The following ENAH variants were observed in gnomAD, a reference collection of about 807,000 sequenced individuals.
The protein encoded by ENAH is ENAH actin regulator.
In ENAH, 23 loss-of-function variants were observed where a neutral mutation model predicts 78.7. That is an observed-to-expected ratio of 0.29 (90% CI 0.21 to 0.41). ENAH has a LOEUF of 0.41. ENAH is among the 10% of genes least tolerant of loss of function. The probability of loss-of-function intolerance (pLI) is 1.00; values close to 1 mark genes in which losing one functional copy is unlikely to be tolerated. For synonymous variants in ENAH, 226 were observed against 241.0 expected, an observed-to-expected ratio of 0.94 and a Z score of 0.58; for missense variants, 544 against 691.0, an observed-to-expected ratio of 0.79 and a Z score of 2.39.
intron 1 of ENAH, among the ~76,000 whole-genome samples, chr1:225,572,254 T>C (rs908288856): frequency 1.1e-4 from 16 of 152,138 alleles, no homozygotes; most frequent in African/African-American, 3.9e-4. Context: ...ACAGGTGTGA[T>C]GCACAAAATA....
Position 225,615,623 on chromosome 1 carries a change from G to C in ENAH, c.5+37063C>G, listed in dbSNP as rs184413726. Among the ~76,000 whole-genome samples, 306 of 144,504 alleles carry C rather than the reference G, an allele frequency of 2.1e-3. 1 individual carries two copies. The highest frequency in any genetic ancestry group is 7.7e-3 in the African/African-American group (296 of 38,294). 94.8% of individuals were successfully genotyped at this position (144,504 alleles called of 152,430 possible). ...GAGCGTCTCTGCCCGGCCGCCCGGCGTCTGAGATGTGGGGAGCGCCTCTGC... is the reference window on the plus strand; with the variant it reads ...GAGCGTCTCTGCCCGGCCGCCCGGCCTCTGAGATGTGGGGAGCGCCTCTGC... On this transcript the variant is annotated intron_variant, in intron 1 of 13. Transcript: ENST00000366843.
At chr1:225,647,994 G>A (rs1184671890) in intron 1 of ENAH, among the ~76,000 whole-genome samples, 1 of 152,022 alleles carries the variant, frequency 6.6e-6, no homozygotes, top group Non-Finnish European at 1.5e-5. Flanking sequence ...GAACACACAG[G>A]AATAGTGGGG....
At chr1:225,510,965 G>A (rs959444007) in intron 10 of ENAH, among the ~76,000 whole-genome samples, 1 of 151,890 alleles carries the variant, frequency 6.6e-6, no homozygotes, top group Non-Finnish European at 1.5e-5. Flanking sequence ...GGGTTGCGGT[G>A]AGCCAAGACT....
intron 2 of ENAH, among the ~76,000 whole-genome samples, chr1:225,564,587 G>A (rs570812372): frequency 2.8e-4 from 43 of 151,132 alleles, no homozygotes; most frequent in African/African-American, 8.7e-4. Context: ...GCACCACCAC[G>A]CCTGGCCTGT....
At chr1:225,525,061 G>A (rs958184026) in intron 4 of ENAH, among the ~76,000 whole-genome samples, 8 of 151,944 alleles carry the variant, frequency 5.3e-5, no homozygotes, top group Admixed American at 2.6e-4. Flanking sequence ...TCTTACTAAC[G>A]CTCACCACTT....
intron 1 of ENAH, among the ~76,000 whole-genome samples, chr1:225,600,695 AAAAAAATT>A (rs1460891850): frequency 2.6e-5 from 4 of 151,980 alleles, no homozygotes; most frequent in Non-Finnish European, 5.9e-5. Flanking sequence ...CTATTTCTAC[AAAAAAATT>A]AAAAAATTAG....
At chr1:225,579,344 T>G (rs2096803170) in intron 1 of ENAH, among the ~76,000 whole-genome samples, 1 of 152,258 alleles carries the variant, frequency 6.6e-6, no homozygotes, top group Admixed American at 6.5e-5. Flanking sequence ...TTGCTGAAAT[T>G]TATGTTCTTT....
intron 1 of ENAH, among the ~76,000 whole-genome samples, chr1:225,618,841 T>C (rs558538371): frequency 3.9e-5 from 6 of 152,252 alleles, no homozygotes; most frequent in South Asian, 4.1e-4. Context: ...CTAAATTACA[T>C]TGCGTTACAT....
intron 1 of ENAH, among the ~76,000 whole-genome samples, chr1:225,620,228 G>A (rs1253035983): frequency 2.0e-5 from 3 of 151,798 alleles, no homozygotes; most frequent in Non-Finnish European, 2.9e-5. Flanking sequence ...TCAACACTTC[G>A]TCACTAGAAA....
At chr1:225,591,759 C>T (rs192579282) in intron 1 of ENAH, among the ~76,000 whole-genome samples, 30 of 113,604 alleles carry the variant, frequency 2.6e-4, no homozygotes, top group East Asian at 1.5e-3. Flanking sequence ...AGACAGACTC[C>T]GTCTCAAAAA....
chr1:225,577,533 T>C (rs6674621), intron 1 of ENAH, among the ~76,000 whole-genome samples: 11,902 of 152,324 alleles, frequency 0.078, 583 homozygotes, highest in Admixed American at 0.14. Context: ...ACCACACTTA[T>C]GTTTCATTCA....
intron 1 of ENAH, among the ~76,000 whole-genome samples, chr1:225,582,345 T>C (rs986322764): frequency 9.2e-5 from 14 of 152,332 alleles, no homozygotes; most frequent in Admixed American, 5.2e-4. Flanking sequence ...CAGGTATTTA[T>C]TTATAGCAGT....
intron 4 of ENAH, among the ~76,000 whole-genome samples, chr1:225,524,868 A>G (rs1406658439): frequency 1.3e-5 from 2 of 152,236 alleles, no homozygotes; most frequent in African/African-American, 4.8e-5. Flanking sequence ...TAATTATATG[A>G]GTAGGAACCA....
intron 1 of ENAH, among the ~76,000 whole-genome samples, chr1:225,608,586 C>T (rs1017408712): frequency 6.6e-6 from 1 of 151,676 alleles, no homozygotes; most frequent in African/African-American, 2.4e-5. Flanking sequence ...AAGGCAGAGG[C>T]GGGCAGATTA....
intron 1 of ENAH, among the ~76,000 whole-genome samples, chr1:225,582,177 G>A (rs1172646693): frequency 6.6e-6 from 1 of 151,748 alleles, no homozygotes; most frequent in Non-Finnish European, 1.5e-5. Context: ...TCTCTCTCTT[G>A]CTCCTGCTCC....
intron 1 of ENAH, among the ~76,000 whole-genome samples, chr1:225,630,042 T>C (rs769853344): frequency 6.6e-6 from 1 of 152,218 alleles, no homozygotes; most frequent in Non-Finnish European, 1.5e-5. Flanking sequence ...AAGTCCTTTC[T>C]ATATAATTAA....
rs1362908589 is a variant in ENAH, at chr1:225,488,215, C to T, written c.*9560G>A. Reference sequence around the variant, plus strand: ...ATTTATTTTTTAAGGAGACAGGCCTCGCTATGTTGCCCAGGCTGGCCTCCA... The same window carrying T: ...ATTTATTTTTTAAGGAGACAGGCCTTGCTATGTTGCCCAGGCTGGCCTCCA... On this transcript the variant is annotated 3_prime_UTR_variant, in exon 14 of 14. Coordinates refer to ENST00000366843, the MANE Select transcript of ENAH (RefSeq NM_018212.6). The T allele has an allele frequency of 2.0e-5, 3 of 152,102 alleles. No individual in the cohort carries two copies. Among genetic ancestry groups the T allele is most frequent in the African/African-American group, 7.2e-5 (3 of 41,412 alleles). 9.4% of individuals were successfully genotyped at this position (152,102 alleles called of 1,614,324 possible).
intron 6 of ENAH, among the ~76,000 whole-genome samples, chr1:225,516,544 T>C (rs2096418527): frequency 1.3e-5 from 2 of 152,162 alleles, no homozygotes; most frequent in Admixed American, 1.3e-4. Context: ...ATTTATTGTG[T>C]GGTAGATCAA....
At chr1:225,508,410 T>G (rs1358953398) in intron 10 of ENAH, 2 of 153,174 alleles carry the variant, frequency 1.3e-5, no homozygotes, top group African/African-American at 4.8e-5. Context: ...TAAATTATTT[T>G]TTAGTGCCAA....
Sources: allele counts gnomAD v4.1 joint callset (sites outside exome capture counted in the v4.1 genomes callset), GRCh38; gene constraint gnomAD v4.1.1; transcripts MANE v1.5; gene names NCBI Gene and HGNC (gene_info 2026-07-23, HGNC 2026-07-21).